LINGO2: variants seen among roughly 807,000 people sequenced by gnomAD.
The protein encoded by LINGO2 is leucine-rich repeat and immunoglobulin-like domain-containing nogo receptor-interacting protein 2.
In LINGO2, 14 loss-of-function variants were observed where a neutral mutation model predicts 30.6. That is an observed-to-expected ratio of 0.46 (90% confidence interval 0.30 to 0.72). The LOEUF (loss-of-function observed/expected upper bound fraction) is 0.72. LINGO2 is among the 30% of genes least tolerant of loss of function. The pLI, the probability that LINGO2 is intolerant of heterozygous loss-of-function variation, is 0.07. For synonymous variants in LINGO2, 317 were observed against 288.5 expected, an observed-to-expected ratio of 1.10 and a Z score of -1.00; for missense variants, 729 against 751.7, an observed-to-expected ratio of 0.97 and a Z score of 0.35.
the LINGO2 span, among the ~76,000 whole-genome samples, chr9:28,785,187 T>C: frequency 2.0e-5 from 3 of 152,188 alleles, no homozygotes; most frequent in Non-Finnish European, 2.9e-5. Flanking sequence ...AGTTTTGTAT[T>C]AATAAGTAGT....
intron 4 of LINGO2, among the ~76,000 whole-genome samples, chr9:28,285,398 A>ACTT (rs1823469583): frequency 1.3e-5 from 1 of 76,166 alleles, no homozygotes. Flanking sequence ...GCCCAAGATC[A>ACTT]TTTTTTTTTT....
chr9:28,095,863 GA>G (rs531467775), intron 4 of LINGO2, among the ~76,000 whole-genome samples: 170 of 152,040 alleles, frequency 1.1e-3, no homozygotes, highest in Admixed American at 4.7e-3. Context: ...AAATTTACAA[GA>G]AAAAAACAAA....
chr9:28,174,357 GC>G (rs1828684583), intron 4 of LINGO2, among the ~76,000 whole-genome samples: 2 of 152,230 alleles, frequency 1.3e-5, no homozygotes, highest in East Asian at 3.9e-4. Flanking sequence ...AAAATTACTT[GC>G]TTTCAGTTTA....
intron 5 of LINGO2, among the ~76,000 whole-genome samples, chr9:27,988,818 C>A (rs1587625337): frequency 6.6e-6 from 1 of 152,058 alleles, no homozygotes; most frequent in South Asian, 2.1e-4. Context: ...TTGCTCAGAG[C>A]AGGTCAGCAG....
intron 3 of LINGO2, among the ~76,000 whole-genome samples, chr9:28,307,626 G>C (rs1005314201): frequency 3.9e-5 from 6 of 152,146 alleles, no homozygotes; most frequent in African/African-American, 9.7e-5. Context: ...GTTAGGAAAA[G>C]AGGAAGTCAA....
the LINGO2 span, among the ~76,000 whole-genome samples, chr9:29,031,761 G>A: frequency 6.6e-5 from 10 of 152,156 alleles, no homozygotes; most frequent in East Asian, 3.9e-4. Flanking sequence ...CAGCTCTTCC[G>A]ATAAGTATGA....
intron 5 of LINGO2, among the ~76,000 whole-genome samples, chr9:27,988,978 C>T (rs1416773099): frequency 6.6e-6 from 1 of 151,954 alleles, no homozygotes; most frequent in Non-Finnish European, 1.5e-5. Context: ...TTATCTCTTG[C>T]TTGAATGACT....
chr9:28,312,772 C>T (rs905034876), intron 3 of LINGO2, among the ~76,000 whole-genome samples: 2 of 152,108 alleles, frequency 1.3e-5, no homozygotes, highest in African/African-American at 4.8e-5. Context: ...ATTGTCATTG[C>T]TGTTTCCATT....
At chr9:28,077,658 T>C (rs1219771944) in intron 4 of LINGO2, among the ~76,000 whole-genome samples, 1 of 149,122 alleles carries the variant, frequency 6.7e-6, no homozygotes, top group Non-Finnish European at 1.5e-5. Flanking sequence ...TGGGGAAGAG[T>C]AGTTTCATTA....
chr9:29,149,735 C>T, the LINGO2 span, among the ~76,000 whole-genome samples: 4 of 152,112 alleles, frequency 2.6e-5, no homozygotes, highest in Admixed American at 6.5e-5. Context: ...CTCCAGTGTA[C>T]GTGGAGCCCA....
chr9:28,770,636 A>C, the LINGO2 span, among the ~76,000 whole-genome samples: 1 of 152,220 alleles, frequency 6.6e-6, no homozygotes. Flanking sequence ...TAGAATAACA[A>C]AGTGAATGAT....
At chr9:28,043,787 A>G (rs553000158) in intron 4 of LINGO2, among the ~76,000 whole-genome samples, 8 of 152,270 alleles carry the variant, frequency 5.3e-5, no homozygotes, top group East Asian at 1.9e-4. Context: ...TTCATCTACA[A>G]TGATTTTGCA....
intron 4 of LINGO2, among the ~76,000 whole-genome samples, chr9:28,243,382 C>T (rs900674939): frequency 7.3e-5 from 11 of 151,480 alleles, no homozygotes; most frequent in Admixed American, 2.0e-4. Context: ...ATTGCTTGAA[C>T]CTGGGAGGCA....
At chr9:28,263,367 C>A (rs1822633573) in intron 4 of LINGO2, among the ~76,000 whole-genome samples, 1 of 151,956 alleles carries the variant, frequency 6.6e-6, no homozygotes, top group South Asian at 2.1e-4. Context: ...TCTTTCCACA[C>A]CACATAACAA....
At chr9:28,022,935 C>G (rs918892149) in intron 4 of LINGO2, among the ~76,000 whole-genome samples, 1 of 151,888 alleles carries the variant, frequency 6.6e-6, no homozygotes, top group Non-Finnish European at 1.5e-5. Context: ...CTCATTGTTT[C>G]TTTTCTCAGC....
the LINGO2 span, among the ~76,000 whole-genome samples, chr9:28,903,501 G>C: frequency 6.6e-6 from 1 of 151,800 alleles, no homozygotes; most frequent in African/African-American, 2.4e-5. Context: ...ATAGAGACAG[G>C]GTCTCCCTCT....
intron 4 of LINGO2, among the ~76,000 whole-genome samples, chr9:28,174,466 C>T (rs760684728): frequency 5.3e-5 from 8 of 152,082 alleles, no homozygotes; most frequent in Non-Finnish European, 1.0e-4. Context: ...CCCTCTCTCT[C>T]CCTCTGTCTC....
the LINGO2 span, among the ~76,000 whole-genome samples, chr9:28,756,557 T>C: frequency 6.6e-6 from 1 of 151,982 alleles, no homozygotes; most frequent in African/African-American, 2.4e-5. Context: ...AATGATATTG[T>C]TTGGCTCGGT....
the LINGO2 span, among the ~76,000 whole-genome samples, chr9:28,768,510 C>A: frequency 2.6e-5 from 4 of 151,846 alleles, no homozygotes; most frequent in Admixed American, 2.6e-4. Context: ...GCTCTGATTT[C>A]TTTAAGTGGG....
Sources: allele counts gnomAD v4.1 joint callset (sites outside exome capture counted in the v4.1 genomes callset), GRCh38; gene constraint gnomAD v4.1.1; transcripts MANE v1.5; gene names NCBI Gene and HGNC (gene_info 2026-07-23, HGNC 2026-07-21).